The following VDR variants were observed in gnomAD, a reference collection of about 807,000 sequenced individuals.
VDR encodes vitamin D3 receptor.
A neutral mutation model predicts 39.7 loss-of-function variants in VDR; 19 were observed. The ratio of observed to expected loss-of-function variants is 0.48; its 90% confidence interval spans 0.33 to 0.70. The LOEUF is 0.70. VDR is among the 30% of genes least tolerant of loss of function. The pLI is 0.02. For synonymous variants in VDR, 242 were observed against 215.8 expected (o/e 1.12, Z -1.07); for missense variants, 442 against 570.5 (o/e 0.77, Z 2.29).
chr12:47,884,401 G>C (rs1392666344), intron 1 of VDR, among the ~76,000 whole-genome samples: 1 of 152,190 alleles, frequency 6.6e-6, no homozygotes, highest in African/African-American at 2.4e-5. Context: ...GACTTACCCA[G>C]GGTCCCACAG....
chr12:47,859,904 TCCTTCC>T (rs1945581362), intron 4 of VDR, among the ~76,000 whole-genome samples: 3 of 43,734 alleles, frequency 6.9e-5, no homozygotes, highest in Admixed American at 1.9e-4. Flanking sequence ...CTTCCTTCCT[TCCTTCC>T]TTCCTTCTTT....
intron 2 of VDR, among the ~76,000 whole-genome samples, chr12:47,881,849 T>C (rs1479411299): frequency 6.6e-6 from 1 of 152,084 alleles, no homozygotes; most frequent in Non-Finnish European, 1.5e-5. Flanking sequence ...AATATCATTG[T>C]GGGGTAATAG....
chr12:47,883,782 A>AC (rs748565178), intron 1 of VDR, among the ~76,000 whole-genome samples: 3 of 152,234 alleles, frequency 2.0e-5, no homozygotes, highest in Non-Finnish European at 2.9e-5. Context: ...TGGCCTAAGC[A>AC]GGGAAGGGGG....
chr12:47,844,808 G>A lies in VDR; in HGVS notation c.1222C>T (p.Pro408Ser). 1 of 1,614,196 alleles carries A rather than the reference G, an allele frequency of 6.2e-7. No homozygotes were observed. Among genetic ancestry groups the A allele is most frequent in the Non-Finnish European group, 8.5e-7 (1 of 1,180,026 alleles). Reference protein sequence around the residue: ...SKQYRCLSFQPECSMKLTPLV... With the variant: ...SKQYRCLSFQSECSMKLTPLV... ...GGCGTTAGCTTCATGCTGCACTCAG[G>A]CTGGAAGGAGAGGCAGCGGTACTGC... is the stretch of plus-strand genomic sequence containing the variant. Residue 408 changes from proline to serine, a missense_variant, in exon 10 of 10, where the codon CCT (proline) becomes TCT (serine). Around this residue, in one of 5 missense-constraint regions of VDR, gnomAD observed 173 missense variants for 252.0 expected, o/e 0.69. Coordinates refer to ENST00000549336, the MANE Select transcript of VDR (RefSeq NM_000376.3).
intron 3 of VDR, among the ~76,000 whole-genome samples, chr12:47,865,495 TG>T (rs1264916323): frequency 2.6e-5 from 4 of 152,126 alleles, no homozygotes; most frequent in Non-Finnish European, 5.9e-5. Flanking sequence ...CACTGCAGGC[TG>T]GACCTCCTGG....
rs371672524 is a variant in VDR, at chr12:47,864,975, G to T, written c.277+72C>A. ...GCAGGCAGACCCTCTGCCCAAACTT[G>T]CAGGAGAGTGGCCAAGGCCTTTCCC... On this transcript the variant is annotated intron_variant, in intron 4 of 9. Coordinates refer to ENST00000549336, the MANE Select transcript of VDR (RefSeq NM_000376.3). 35 of 1,602,952 alleles carry T rather than the reference G, an allele frequency of 2.2e-5. No individual in the cohort carries two copies. The East Asian group carries it at 2.5e-4, about 11-fold the overall frequency.
chr12:47,869,632 C>T (rs1019368913), intron 3 of VDR, among the ~76,000 whole-genome samples: 5 of 151,464 alleles, frequency 3.3e-5, no homozygotes, highest in African/African-American at 9.7e-5. Context: ...GGCGTGAGCA[C>T]GCCTGTAAGC....
chr12:47,900,645 T>C (rs1946541423), intron 1 of VDR, among the ~76,000 whole-genome samples: 1 of 152,168 alleles, frequency 6.6e-6, no homozygotes, highest in Non-Finnish European at 1.5e-5. Context: ...TAGCTGAAGC[T>C]ACAACTCCAG....
intron 4 of VDR, among the ~76,000 whole-genome samples, chr12:47,864,165 A>G (rs953980447): frequency 6.6e-6 from 1 of 152,208 alleles, no homozygotes; most frequent in African/African-American, 2.4e-5. Flanking sequence ...AGAAAAAGGA[A>G]TGAGTGTACA....
intron 9 of VDR, among the ~76,000 whole-genome samples, chr12:47,846,026 A>T (rs1032778543): frequency 6.6e-6 from 1 of 152,240 alleles, no homozygotes; most frequent in Non-Finnish European, 1.5e-5. Context: ...AGTTCACGCA[A>T]GAGCAGAGCC....
intron 1 of VDR, among the ~76,000 whole-genome samples, chr12:47,887,007 T>G (rs1277831342): frequency 6.6e-6 from 1 of 152,194 alleles, no homozygotes. Context: ...TGGTACCATA[T>G]GCACATTAGA....
chr12:47,895,312 TC>T (rs556233480), intron 1 of VDR, among the ~76,000 whole-genome samples: 55 of 152,314 alleles, frequency 3.6e-4, no homozygotes, highest in Middle Eastern at 3.4e-3. Flanking sequence ...GACCCTATCC[TC>T]TGTTAGTTTC....
At chr12:47,883,943 G>A (rs1946208070) in intron 1 of VDR, among the ~76,000 whole-genome samples, 1 of 152,234 alleles carries the variant, frequency 6.6e-6, no homozygotes, top group Non-Finnish European at 1.5e-5. Context: ...AAGCTGGGCT[G>A]GCCCACCCCC....
At chr12:47,869,999 G>T (rs919489179) in intron 3 of VDR, among the ~76,000 whole-genome samples, 5 of 152,204 alleles carry the variant, frequency 3.3e-5, no homozygotes, top group African/African-American at 1.2e-4. Flanking sequence ...ACACTGAAAA[G>T]GAAGAGGACA....
intron 3 of VDR, among the ~76,000 whole-genome samples, chr12:47,870,993 T>C (rs12721395): frequency 6.6e-6 from 1 of 151,662 alleles, no homozygotes; most frequent in Admixed American, 6.6e-5. Context: ...GGCCTACATG[T>C]ATGTGAGAGG....
intron 1 of VDR, among the ~76,000 whole-genome samples, chr12:47,896,064 AC>A (rs1480027143): frequency 6.6e-6 from 1 of 152,262 alleles, no homozygotes; most frequent in Non-Finnish European, 1.5e-5. Context: ...TAGCTGTGCA[AC>A]AAGAACCAAT....
At chr12:47,863,978 C>T (rs1263475034) in intron 4 of VDR, among the ~76,000 whole-genome samples, 1 of 152,170 alleles carries the variant, frequency 6.6e-6, no homozygotes, top group East Asian at 1.9e-4. Context: ...CCTGACCTCT[C>T]CCCATCCCCA....
intron 3 of VDR, among the ~76,000 whole-genome samples, chr12:47,877,644 C>A (rs1045101407): frequency 5.3e-5 from 8 of 152,098 alleles, no homozygotes; most frequent in African/African-American, 1.4e-4. Context: ...CTCAAGGCAG[C>A]CCCCCAAGTT....
At chr12:47,868,875 C>A (rs754991550) in intron 3 of VDR, among the ~76,000 whole-genome samples, 99 of 152,142 alleles carry the variant, frequency 6.5e-4, no homozygotes, top group Non-Finnish European at 1.1e-3. Flanking sequence ...TCCTGTTAAG[C>A]CTGCAAGGCC....
Sources: gnomAD v4.1 joint callset for allele counts (sites outside exome capture counted in the v4.1 genomes callset) on GRCh38, gnomAD v4.1.1 for gene constraint, gnomAD v4.1.1 regional missense constraint, MANE v1.5 for transcripts, NCBI Gene and HGNC (gene_info 2026-07-23, HGNC 2026-07-21) for gene names.